The following LARP1 variants were observed in gnomAD, a reference collection of about 807,000 sequenced individuals.
LARP1 encodes La ribonucleoprotein 1, translational regulator.
Under a neutral mutation model 122.7 loss-of-function variants are expected in LARP1, and 36 were observed. That is an observed-to-expected ratio of 0.29 (90% CI 0.22 to 0.39). The LOEUF (loss-of-function observed/expected upper bound fraction) is 0.39. LARP1 is among the 10% of genes least tolerant of loss of function. The pLI is 1.00. For synonymous variants in LARP1, 539 were observed against 528.7 expected (o/e 1.02, Z -0.27); for missense variants, 1,040 against 1,403.6 (o/e 0.74, Z 4.14).
intron 1 of LARP1, chr5:154,713,250 C>T (rs1165183233): frequency 5.3e-6 from 4 of 750,080 alleles, no homozygotes; most frequent in East Asian, 2.7e-5. Context: ...TGACCCTGAG[C>T]GAGTCACTCC....
chr5:154,755,388 T>C lies in LARP1; in HGVS notation c.-370T>C, dbSNP rs1366759751. 1.3e-5 allele frequency among the ~76,000 whole-genome samples: 2 copies of C among 149,960 alleles called. No homozygotes were observed. Among genetic ancestry groups the C allele is most frequent in the African/African-American group, 4.9e-5 (2 of 40,808 alleles). On this transcript the variant is annotated 5_prime_UTR_variant, in exon 1 of 19. Transcript: ENST00000518297. ...CCTCTCCCCCGTCCGTCCATATTGC[T>C]GCAGCCCCCGAGCCGGGAAGCCCGG...
chr5:154,695,519 T>C (rs1181890947), intron 1 of LARP1, among the ~76,000 whole-genome samples: 2 of 151,768 alleles, frequency 1.3e-5, no homozygotes, highest in Admixed American at 6.6e-5. Context: ...CAGCTGGGCA[T>C]GGTGGCGCGC....
chr5:154,724,505 G>A (rs115573194), intron 1 of LARP1, among the ~76,000 whole-genome samples: 1,691 of 152,264 alleles, frequency 0.011, 27 homozygotes, highest in African/African-American at 0.038. Flanking sequence ...TGTTTAAATG[G>A]TGTCTATTGA....
intron 1 of LARP1, among the ~76,000 whole-genome samples, chr5:154,703,270 T>G (rs2113257003): frequency 6.6e-6 from 1 of 152,138 alleles, no homozygotes; most frequent in East Asian, 1.9e-4. Flanking sequence ...GTTAGCAAAC[T>G]CCTATCTATA....
intron 1 of LARP1, among the ~76,000 whole-genome samples, chr5:154,685,322 T>A (rs1753879254): frequency 6.6e-6 from 1 of 151,816 alleles, no homozygotes; most frequent in South Asian, 2.1e-4. Flanking sequence ...AGCCTACCCC[T>A]TAATGCTCTC....
chr5:154,717,060 C>CA lies in LARP1; in HGVS notation c.205+3943dup, dbSNP rs35371808. Among the ~76,000 whole-genome samples the CA allele has an allele frequency of 6.0e-3, 743 of 124,554 alleles. 21 individuals carry two copies. The East Asian group carries it at 0.095, about 16-fold the overall frequency. 81.7% of individuals were successfully genotyped at this position (124,554 alleles called of 152,430 possible). ...GGGTAAGAGAATGAGACCCTGTCTC[C>CA]AAAAAAAAAAAAAGAAAAAGAAAAA... On this transcript the variant is annotated intron_variant, in intron 1 of 18. Transcript: ENST00000336314.
At chr5:154,728,059 CTG>C (rs753331129) in intron 1 of LARP1, among the ~76,000 whole-genome samples, 1 of 152,186 alleles carries the variant, frequency 6.6e-6, no homozygotes, top group Non-Finnish European at 1.5e-5. Context: ...CAGAGTGAAA[CTG>C]TGTCTCAAAA....
chr5:154,760,052 G>A (rs1307596989), intron 1 of LARP1, among the ~76,000 whole-genome samples: 2 of 152,026 alleles, frequency 1.3e-5, no homozygotes, highest in African/African-American at 4.8e-5. Flanking sequence ...CGATTCTCCT[G>A]CCTCAGCCTT....
intron 1 of LARP1, among the ~76,000 whole-genome samples, chr5:154,723,868 C>T (rs562694508): frequency 6.6e-6 from 1 of 152,296 alleles, no homozygotes; most frequent in South Asian, 2.1e-4. Flanking sequence ...CCTTCAGCCC[C>T]ACTCCCCTGG....
intron 10 of LARP1, among the ~76,000 whole-genome samples, chr5:154,801,368 G>C (rs909659046): frequency 1.3e-5 from 2 of 152,164 alleles, no homozygotes; most frequent in Non-Finnish European, 2.9e-5. Context: ...TCCTTTAACT[G>C]TGTGCATCCA....
At chr5:154,774,179 G>A (rs1431026922) in intron 1 of LARP1, among the ~76,000 whole-genome samples, 1 of 152,180 alleles carries the variant, frequency 6.6e-6, no homozygotes, top group Non-Finnish European at 1.5e-5. Flanking sequence ...GGAGGGCTGA[G>A]GATGAGCAGC....
At chr5:154,793,744 A>G in intron 5 of LARP1, 21 bp downstream of exon 5, 1 of 1,614,066 alleles carries the variant, frequency 6.2e-7, no homozygotes, top group Non-Finnish European at 8.5e-7. Context: ...CCCACTATGG[A>G]GGGCCTGGAC....
chr5:154,812,093 A>G (rs921592631), intron 18 of LARP1, among the ~76,000 whole-genome samples: 1 of 152,204 alleles, frequency 6.6e-6, no homozygotes, highest in African/African-American at 2.4e-5. Flanking sequence ...ACTGCTGGGT[A>G]TATCAAGGGA....
At chr5:154,750,929 G>C (rs930259753), upstream of LARP1, among the ~76,000 whole-genome samples, 2 of 152,302 alleles carry the variant, frequency 1.3e-5, no homozygotes, top group Middle Eastern at 3.4e-3. Flanking sequence ...TTAAGCACAT[G>C]ATGTGTTTAA....
intron 1 of LARP1, among the ~76,000 whole-genome samples, chr5:154,742,854 C>T (rs1290809628): frequency 6.6e-6 from 1 of 152,058 alleles, no homozygotes; most frequent in Non-Finnish European, 1.5e-5. Flanking sequence ...AGGAACTTTT[C>T]TTGGTCTCCT....
intron 1 of LARP1, among the ~76,000 whole-genome samples, chr5:154,778,735 T>C (rs930741937): frequency 5.3e-5 from 8 of 152,232 alleles, no homozygotes; most frequent in African/African-American, 1.9e-4. Flanking sequence ...GCCAGGACTG[T>C]CAACCAGTCT....
intron 1 of LARP1, among the ~76,000 whole-genome samples, chr5:154,689,059 C>A (rs1754068371): frequency 6.6e-6 from 1 of 151,898 alleles, no homozygotes; most frequent in Admixed American, 6.5e-5. Context: ...TGGCTCACAT[C>A]TGTAATCCTA....
At chr5:154,807,174 TC>T (rs1758855597) in intron 15 of LARP1, among the ~76,000 whole-genome samples, 2 of 152,242 alleles carry the variant, frequency 1.3e-5, no homozygotes, top group African/African-American at 4.8e-5. Context: ...AGTACTTTAT[TC>T]TTTTTATTGC....
intron 1 of LARP1, among the ~76,000 whole-genome samples, chr5:154,719,628 G>A (rs1211455292): frequency 2.0e-5 from 3 of 152,136 alleles, no homozygotes; most frequent in South Asian, 2.1e-4. Context: ...TTGGGAGGCC[G>A]AGGTAGGTGG....
Sources: allele counts gnomAD v4.1 joint callset (sites outside exome capture counted in the v4.1 genomes callset), GRCh38; gene constraint gnomAD v4.1.1; transcripts MANE v1.5; gene names NCBI Gene and HGNC (gene_info 2026-07-23, HGNC 2026-07-21).